EVI5: variants seen among roughly 807,000 people sequenced by gnomAD.
EVI5 encodes ecotropic viral integration site 5 protein homolog.
A neutral mutation model predicts 112.0 loss-of-function variants in EVI5; 73 were observed. That is an observed-to-expected ratio of 0.65 (90% CI 0.54 to 0.79). The LOEUF is 0.79. Ranked by LOEUF, EVI5 falls within the 30% of genes least tolerant of loss-of-function variation. The pLI is 0.00. For missense variants in EVI5, 900 were observed against 968.8 expected (o/e 0.93, Z 0.94); for synonymous variants, 305 against 319.9 (o/e 0.95, Z 0.50).
chr1:92,685,899 A>C (rs112424876), intron 9 of EVI5, among the ~76,000 whole-genome samples: 10 of 152,300 alleles, frequency 6.6e-5, no homozygotes, highest in Non-Finnish European at 1.3e-4. Flanking sequence ...AATTGAGGCA[A>C]TAATCAACAG....
At chr1:92,708,668 T>G (rs769264767) in intron 2 of EVI5, among the ~76,000 whole-genome samples, 1 of 151,974 alleles carries the variant, frequency 6.6e-6, no homozygotes, top group Non-Finnish European at 1.5e-5. Context: ...TATACAAGCA[T>G]TCACAGAAAC....
intron 10 of EVI5, among the ~76,000 whole-genome samples, chr1:92,671,035 A>C (rs1204560482): frequency 6.6e-6 from 1 of 151,940 alleles, no homozygotes; most frequent in Admixed American, 6.6e-5. Flanking sequence ...CCTATCTTAA[A>C]AAAAAAACAG....
At position 92,513,546 on chromosome 1, in the gene EVI5, T is replaced by TG; in HGVS notation, c.*109_*110insC. On this transcript the variant is annotated 3_prime_UTR_variant, in exon 20 of 20. Transcript: ENST00000684568. ...ATATATATATATATATATATATATATATATATATATATATATATATGTACA... is the reference window on the plus strand; with the variant it reads ...ATATATATATATATATATATATATATGATATATATATATATATATATGTACA... 1 of 12,496 alleles carries TG rather than the reference T, an allele frequency of 8.0e-5. No homozygotes were observed. Among genetic ancestry groups the TG allele is most frequent in the Non-Finnish European group, 1.2e-4 (1 of 8,550 alleles). 0.8% of individuals were successfully genotyped at this position (12,496 alleles called of 1,614,324 possible). A position where few individuals can be genotyped will look rare whatever the true frequency, so the allele number is the denominator to read the frequency against.
At position 92,665,948 on chromosome 1, in the gene EVI5, T is replaced by C; in HGVS notation, c.1203A>G (p.Thr401=). The C allele has an allele frequency of 2.5e-6, 4 of 1,603,608 alleles. No individual in the cohort carries two copies. Among genetic ancestry groups the C allele is most frequent in the African/African-American group, 1.3e-5 (1 of 74,372 alleles). Residue 401 remains threonine (T), a synonymous_variant, in exon 11 of 20, where the codon ACA becomes ACG. Transcript: ENST00000684568. ...ENRLLKQRIE[T]LEKESASLAD... The stretch of plus-strand genomic sequence containing the variant: ...GTAGTCACTTACTTACTTTTTCTAA[T>C]GTCTCGATGCGCTGTTTTAAAAGTC...
chr1:92,562,652 CAAATT>C (rs1668808736), intron 19 of EVI5, among the ~76,000 whole-genome samples: 1 of 151,688 alleles, frequency 6.6e-6, no homozygotes, highest in Non-Finnish European at 1.5e-5. Context: ...AATTTCAAAA[CAAATT>C]AAACTGAGCC....
chr1:92,688,564 CCTTT>C (rs545600474), intron 9 of EVI5, among the ~76,000 whole-genome samples: 64 of 151,884 alleles, frequency 4.2e-4, no homozygotes, highest in African/African-American at 1.5e-3. Context: ...TTCCTTCCTT[CCTTT>C]AATAAAGTGG....
intron 2 of EVI5, among the ~76,000 whole-genome samples, chr1:92,721,824 C>T (rs549200089): frequency 6.6e-6 from 1 of 152,170 alleles, no homozygotes; most frequent in African/African-American, 2.4e-5. Flanking sequence ...TTTAATATAA[C>T]GCTTTGTGTA....
At chr1:92,582,159 A>G (rs966523522) in intron 18 of EVI5, among the ~76,000 whole-genome samples, 8 of 152,198 alleles carry the variant, frequency 5.3e-5, no homozygotes, top group African/African-American at 1.9e-4. Context: ...TACCGTATGG[A>G]ATACTGTAGG....
At chr1:92,646,239 C>CA (rs139054063) in intron 13 of EVI5, among the ~76,000 whole-genome samples, 2,204 of 151,880 alleles carry the variant, frequency 0.015, 23 homozygotes, top group Non-Finnish European at 0.018. Flanking sequence ...TCTAAACATA[C>CA]AAAAAAAACC....
intron 7 of EVI5, among the ~76,000 whole-genome samples, chr1:92,694,918 G>A (rs1216607016): frequency 1.3e-5 from 2 of 152,152 alleles, no homozygotes; most frequent in Non-Finnish European, 2.9e-5. Flanking sequence ...GATGACAGAT[G>A]CATTTCAACA....
At chr1:92,580,895 T>C (rs6603995) in intron 18 of EVI5, 140,285 of 152,264 alleles carry the variant, frequency 0.92, 64,715 homozygotes, top group East Asian at 0.97. Flanking sequence ...GTTAATTTTA[T>C]TGAATTAATG....
intron 13 of EVI5, among the ~76,000 whole-genome samples, chr1:92,655,670 T>C (rs1662873750): frequency 6.6e-6 from 1 of 151,254 alleles, no homozygotes; most frequent in Non-Finnish European, 1.5e-5. Context: ...CAGGCAGGAG[T>C]AGCTATCTTT....
At chr1:92,532,732 T>C (rs774061924) in intron 19 of EVI5, among the ~76,000 whole-genome samples, 34 of 152,006 alleles carry the variant, frequency 2.2e-4, no homozygotes, top group Non-Finnish European at 3.7e-4. Context: ...GTTCTTTGAA[T>C]CCAATGAGAA....
intron 2 of EVI5, among the ~76,000 whole-genome samples, chr1:92,717,500 A>AT (rs1008031112): frequency 3.9e-4 from 59 of 152,312 alleles, no homozygotes; most frequent in African/African-American, 1.3e-3. Context: ...ATGCTGAGAG[A>AT]TTTTGTCACC....
chr1:92,768,408 C>A (rs896586716), intron 1 of EVI5, among the ~76,000 whole-genome samples: 8 of 152,180 alleles, frequency 5.3e-5, no homozygotes, highest in Non-Finnish European at 7.3e-5. Flanking sequence ...TCAACTCCAA[C>A]ACATCCACAC....
intron 1 of EVI5, among the ~76,000 whole-genome samples, chr1:92,762,878 A>G (rs756793188): frequency 2.0e-5 from 3 of 152,172 alleles, no homozygotes; most frequent in Non-Finnish European, 4.4e-5. Flanking sequence ...AATATACACT[A>G]TCCAGGTGAT....
chr1:92,548,579 T>C (rs1443684779), intron 19 of EVI5, among the ~76,000 whole-genome samples: 2 of 152,144 alleles, frequency 1.3e-5, no homozygotes, highest in Non-Finnish European at 2.9e-5. Flanking sequence ...GATGACATGA[T>C]TGTATATTTA....
chr1:92,723,277 A>G (rs1675041890), intron 2 of EVI5, among the ~76,000 whole-genome samples: 1 of 152,228 alleles, frequency 6.6e-6, no homozygotes, highest in Admixed American at 6.5e-5. Flanking sequence ...TCCAATATCT[A>G]ATTGTCAAAT....
chr1:92,609,771 T>C lies in EVI5; in HGVS notation c.1828-2044A>G, dbSNP rs145051405. The stretch of plus-strand genomic sequence containing the variant: ...TAATGAAAAAATGTAGATCATCTAA[T>C]AGATGTAAGCTCCAAAACTTTCAAC... On this transcript the variant is annotated intron_variant, in intron 16 of 19. Transcript: ENST00000684568. 9.2e-5 allele frequency among the ~76,000 whole-genome samples: 14 copies of C among 152,340 alleles called. No individual in the cohort carries two copies. The East Asian group carries it at 2.5e-3, about 27-fold the overall frequency.
Sources: allele counts gnomAD v4.1 joint callset (sites outside exome capture counted in the v4.1 genomes callset), GRCh38; gene constraint gnomAD v4.1.1; transcripts MANE v1.5; gene names NCBI Gene and HGNC (gene_info 2026-07-23, HGNC 2026-07-21).